The following GRK5 variants were observed in gnomAD, a reference collection of about 807,000 sequenced individuals.
GRK5 encodes g protein-coupled receptor kinase GRK5.
Under a neutral mutation model 78.4 loss-of-function variants are expected in GRK5, and 40 were observed. The observed-to-expected ratio is 0.51, with a 90% CI of 0.40 to 0.66. GRK5 has a LOEUF of 0.66. Among genes scored for constraint, GRK5 ranks in the 30% least tolerant of loss-of-function variants. GRK5 has a pLI of 0.00. For synonymous variants in GRK5, 289 were observed against 296.8 expected (o/e 0.97, Z 0.27); for missense variants, 598 against 759.9 (o/e 0.79, Z 2.50).
At chr10:119,410,548 A>G (rs900055353) in intron 4 of GRK5, among the ~76,000 whole-genome samples, 2 of 151,642 alleles carry the variant, frequency 1.3e-5, no homozygotes, top group African/African-American at 4.8e-5. Context: ...GGCTGGAACC[A>G]CCCCCGACGC....
At chr10:119,229,215 C>T (rs1848787485) in intron 1 of GRK5, among the ~76,000 whole-genome samples, 1 of 152,078 alleles carries the variant, frequency 6.6e-6, no homozygotes, top group African/African-American at 2.4e-5. Flanking sequence ...GTGCCCTGTG[C>T]TGGGTTGGGG....
At chr10:119,257,807 C>T (rs1391552302) in intron 1 of GRK5, among the ~76,000 whole-genome samples, 2 of 152,162 alleles carry the variant, frequency 1.3e-5, no homozygotes, top group Non-Finnish European at 2.9e-5. Context: ...TGGGGTGCCT[C>T]CGACTTGTGT....
intron 11 of GRK5, among the ~76,000 whole-genome samples, chr10:119,443,258 G>GT (rs1391752805): frequency 1.3e-5 from 2 of 152,278 alleles, no homozygotes; most frequent in East Asian, 3.9e-4. Flanking sequence ...TCTGTGCCAG[G>GT]TGTCATATTG....
At chr10:119,316,368 G>A (rs765564865) in intron 1 of GRK5, among the ~76,000 whole-genome samples, 6 of 152,228 alleles carry the variant, frequency 3.9e-5, no homozygotes, top group African/African-American at 9.6e-5. Flanking sequence ...GGGTGCTGAA[G>A]GTTCCTGAAG....
chr10:119,254,581 G>A (rs1188479321), intron 1 of GRK5, among the ~76,000 whole-genome samples: 1 of 151,968 alleles, frequency 6.6e-6, no homozygotes, highest in Non-Finnish European at 1.5e-5. Flanking sequence ...AGAAGGGGTG[G>A]GAGTTGATGG....
chr10:119,282,448 G>A (rs1849777512), intron 1 of GRK5, among the ~76,000 whole-genome samples: 1 of 152,146 alleles, frequency 6.6e-6, no homozygotes, highest in African/African-American at 2.4e-5. Context: ...AGGCTGTCTT[G>A]TAACAGTCTG....
At chr10:119,328,621 T>C (rs1652419061) in intron 2 of GRK5, among the ~76,000 whole-genome samples, 1 of 152,212 alleles carries the variant, frequency 6.6e-6, no homozygotes, top group African/African-American at 2.4e-5. Context: ...CCATTCACTG[T>C]GGCCCCAGGG....
intron 3 of GRK5, among the ~76,000 whole-genome samples, chr10:119,395,053 G>C (rs921457714): frequency 6.9e-6 from 1 of 144,520 alleles, no homozygotes; most frequent in Non-Finnish European, 1.5e-5. Context: ...CTGCCCACGC[G>C]GCGCAGTGGG....
chr10:119,331,895 G>A (rs939015477), intron 2 of GRK5, among the ~76,000 whole-genome samples: 2 of 152,198 alleles, frequency 1.3e-5, no homozygotes, highest in South Asian at 4.1e-4. Flanking sequence ...ACTGTGGCTT[G>A]TAAGCACTTT....
chr10:119,288,021 A>T (rs1397080226), intron 1 of GRK5, among the ~76,000 whole-genome samples: 2 of 152,170 alleles, frequency 1.3e-5, no homozygotes, highest in African/African-American at 4.8e-5. Context: ...CGGTCCTCAC[A>T]GGTAGAACGG....
At chr10:119,298,942 C>T (rs1377175594) in intron 1 of GRK5, among the ~76,000 whole-genome samples, 1 of 152,152 alleles carries the variant, frequency 6.6e-6, no homozygotes, top group East Asian at 1.9e-4. Flanking sequence ...CCCCATGCTC[C>T]CTGCGGTGTG....
At chr10:119,358,582 G>C (rs1851304845) in intron 2 of GRK5, among the ~76,000 whole-genome samples, 1 of 152,112 alleles carries the variant, frequency 6.6e-6, no homozygotes, top group South Asian at 2.1e-4. Context: ...TCTTCCACAG[G>C]CCTCTCAGGG....
Position 119,336,893 on chromosome 10 carries a change from G to A in GRK5, c.148+10282G>A, listed in dbSNP as rs1305944745. Among the ~76,000 whole-genome samples the A allele has an allele frequency of 6.6e-6, 1 of 152,206 alleles. No homozygotes were observed. The highest frequency in any genetic ancestry group is 2.4e-5 in the African/African-American group (1 of 41,444). On this transcript the variant is annotated intron_variant, in intron 2 of 15. Transcript: ENST00000392870. The surrounding 1 kb of genome is among the most constrained non-coding windows in gnomAD (Gnocchi z 4.5). ...GCAGCTGGAGCTCTCAGGAGGGAAG[G>A]GTGGCCCCGCTGTCTTTGCGGTGTT...
intron 1 of GRK5, among the ~76,000 whole-genome samples, chr10:119,261,044 C>A (rs1849379809): frequency 2.6e-5 from 3 of 116,548 alleles, no homozygotes; most frequent in African/African-American, 3.1e-5. Flanking sequence ...GCTGACCCCC[C>A]CACCTCCCTC....
intron 15 of GRK5, among the ~76,000 whole-genome samples, chr10:119,453,938 G>A (rs570348590): frequency 6.6e-6 from 1 of 151,720 alleles, no homozygotes; most frequent in Admixed American, 6.6e-5. Context: ...GAGGAAATGC[G>A]GGGGAAGGGC....
intron 1 of GRK5, among the ~76,000 whole-genome samples, chr10:119,250,735 G>A (rs1294236361): frequency 2.0e-5 from 3 of 152,104 alleles, no homozygotes; most frequent in Non-Finnish European, 2.9e-5. Flanking sequence ...GGAAGTGAAC[G>A]TTGGAGAAAG....
At chr10:119,414,454 G>A (rs755378448) in intron 4 of GRK5, among the ~76,000 whole-genome samples, 2 of 152,180 alleles carry the variant, frequency 1.3e-5, no homozygotes, top group Non-Finnish European at 2.9e-5. Flanking sequence ...AGAGTCCACC[G>A]CACCTCCTTA....
Position 119,406,667 on chromosome 10 carries a change from C to T in GRK5, c.339+9895C>T, listed in dbSNP as rs374880514. Among the ~76,000 whole-genome samples the T allele has an allele frequency of 3.3e-5, 5 of 152,246 alleles. No homozygotes were observed. In the East Asian group the frequency reaches 7.7e-4, roughly 23 times the overall value. ...CAGAGGGTCTGGCTGGGCAGCTGCC[C>T]CTGCTGGGCCATCTACCAGCATTTC... On this transcript the variant is annotated intron_variant, in intron 4 of 15. Coordinates refer to ENST00000392870, the MANE Select transcript of GRK5 (RefSeq NM_005308.3).
chr10:119,263,669 A>G (rs1462883844), intron 1 of GRK5, among the ~76,000 whole-genome samples: 3 of 152,188 alleles, frequency 2.0e-5, no homozygotes, highest in African/African-American at 7.2e-5. Context: ...CATGCCTGTA[A>G]TCCCAGCACT....
Sources: allele counts gnomAD v4.1 joint callset (sites outside exome capture counted in the v4.1 genomes callset), GRCh38; gene constraint gnomAD v4.1.1; non-coding constraint Gnocchi (gnomAD v3.1); transcripts MANE v1.5; gene names NCBI Gene and HGNC (gene_info 2026-07-23, HGNC 2026-07-21).